The following CERT1 variants were observed in gnomAD, a reference collection of about 807,000 sequenced individuals.
The protein encoded by CERT1 is ceramide transporter 1.
Under a neutral mutation model 87.9 loss-of-function variants are expected in CERT1, and 31 were observed. The ratio of observed to expected loss-of-function variants is 0.35; its 90% CI spans 0.27 to 0.48. The LOEUF is 0.48. Ranked by LOEUF, CERT1 falls within the 20% of genes least tolerant of loss-of-function variation. The pLI is 0.99. For synonymous variants in CERT1, 289 were observed against 250.9 expected, an observed-to-expected ratio of 1.15 and a Z score of -1.44; for missense variants, 487 against 758.0, an observed-to-expected ratio of 0.64 and a Z score of 4.20.
intron 3 of CERT1, among the ~76,000 whole-genome samples, chr5:75,458,557 CT>C (rs1184107012): frequency 8.1e-4 from 119 of 146,078 alleles, no homozygotes; most frequent in Non-Finnish European, 6.7e-4. Flanking sequence ...AAATATTTAT[CT>C]TTTTTTTTTT....
At chr5:75,440,775 T>TA (rs11285492) in intron 3 of CERT1, among the ~76,000 whole-genome samples, 16 of 151,410 alleles carry the variant, frequency 1.1e-4, no homozygotes, top group East Asian at 5.8e-4. Flanking sequence ...CCATCCAAAG[T>TA]AAAAAAAAAT....
intron 2 of CERT1, among the ~76,000 whole-genome samples, chr5:75,467,380 G>A (rs1050164759): frequency 2.6e-5 from 4 of 152,104 alleles, no homozygotes; most frequent in African/African-American, 4.8e-5. Flanking sequence ...GGTAGCTCAC[G>A]CCTGTAATCC....
intron 2 of CERT1, among the ~76,000 whole-genome samples, chr5:75,480,727 TG>T (rs1473041563): frequency 6.6e-6 from 1 of 152,222 alleles, no homozygotes; most frequent in African/African-American, 2.4e-5. Flanking sequence ...TTTCTGTAAA[TG>T]GTAACAATAC....
chr5:75,438,010 G>T (rs1246791844), intron 3 of CERT1, among the ~76,000 whole-genome samples: 1 of 151,866 alleles, frequency 6.6e-6, no homozygotes, highest in Non-Finnish European at 1.5e-5. Context: ...GAAATTTCCT[G>T]AATGTTCCTA....
chr5:75,492,882 C>T (rs1198451042), intron 2 of CERT1, among the ~76,000 whole-genome samples: 3 of 152,098 alleles, frequency 2.0e-5, no homozygotes, highest in Non-Finnish European at 4.4e-5. Context: ...AACTTTAGGA[C>T]GCATCAGAAT....
chr5:75,440,714 A>G (rs180900747), intron 3 of CERT1, among the ~76,000 whole-genome samples: 9 of 152,184 alleles, frequency 5.9e-5, no homozygotes, highest in Non-Finnish European at 1.0e-4. Flanking sequence ...TAAAAAGCTG[A>G]GTGTTACAAG....
intron 17 of CERT1, chr5:75,370,342 C>T (rs1761036064): frequency 6.6e-6 from 1 of 152,128 alleles, no homozygotes; most frequent in African/African-American, 2.4e-5. Flanking sequence ...GCATAAATTA[C>T]CTGAGTGCAA....
chr5:75,400,345 T>G (rs1409458815), intron 9 of CERT1, 48 bp from the exon 10 acceptor site: 2 of 1,346,758 alleles, frequency 1.5e-6, no homozygotes, highest in Non-Finnish European at 2.1e-6. Flanking sequence ...AAGTGTATTT[T>G]GTAACTCAAG....
intron 10 of CERT1, 149 bp downstream of exon 10, chr5:75,400,056 C>A: frequency 3.5e-6 from 2 of 573,846 alleles, no homozygotes; most frequent in Non-Finnish European, 6.2e-6. Flanking sequence ...CTCTTGAACC[C>A]GGGAGGTGGA....
At position 75,511,116 on chromosome 5, in the gene CERT1, C is replaced by T. The variant is rs1767961630; in HGVS notation, c.92G>A (p.Ser31Asn). 1 of 1,582,268 alleles carries T rather than the reference C, an allele frequency of 6.3e-7. No homozygotes were observed. The highest frequency in any genetic ancestry group is 8.6e-7 in the Non-Finnish European group (1 of 1,164,586). Reference protein sequence around the residue: ...GPPVERCGVLSKWTNYIHGWQ... With the variant: ...GPPVERCGVLNKWTNYIHGWQ... The stretch of plus-strand genomic sequence containing the variant: ...TTGGCACCAGGGGTTGCTCACCTTA[C>T]TGAGGACCCCGCAGCGCTCCACAGG... Residue 31 changes from serine to asparagine, a missense_variant, in exon 1 of 17, where the codon AGT (serine) becomes AAT (asparagine). By Grantham distance (46) the Ser-to-Asn change is conservative. Transcript: ENST00000643780.
chr5:75,448,157 ATT>A (rs1764633439), intron 3 of CERT1, among the ~76,000 whole-genome samples: 1 of 152,152 alleles, frequency 6.6e-6, no homozygotes, highest in Non-Finnish European at 1.5e-5. Flanking sequence ...ATTCAATTTC[ATT>A]TTTATGTAAA....
chr5:75,511,908 G>A (rs1450055814), upstream of CERT1: 1 of 1,327,552 alleles, frequency 7.5e-7, no homozygotes, highest in African/African-American at 1.5e-5. Flanking sequence ...CGATCCTGAG[G>A]TAACGGGTGA....
Position 75,381,985 on chromosome 5 carries a change from T to A in CERT1, c.1581A>T (p.Ile527=). 1 of 1,613,886 alleles carries A rather than the reference T, an allele frequency of 6.2e-7. No homozygotes were observed. The highest frequency in any genetic ancestry group is 8.5e-7 in the Non-Finnish European group (1 of 1,179,886). ...CATGATCCACAGAAAAATTACAAAC[T>A]ATCCAAGTTTCAGGGTCATTTTCAG... ...ALTENDPETW[I]VCNFSVDHDS... The change falls in exon 15 of 17, where the codon ATA becomes ATT. Residue 527 remains isoleucine (I), a synonymous_variant. Coordinates refer to ENST00000643780, the MANE Select transcript of CERT1 (RefSeq NM_001379029.1).
At chr5:75,449,169 C>T (rs1362604446) in intron 3 of CERT1, among the ~76,000 whole-genome samples, 1 of 151,948 alleles carries the variant, frequency 6.6e-6, no homozygotes, top group Non-Finnish European at 1.5e-5. Context: ...TACTTTGGGA[C>T]ATACTAAGAG....
chr5:75,391,417 CTATAA>C (rs760000699), intron 11 of CERT1, among the ~76,000 whole-genome samples: 4 of 152,142 alleles, frequency 2.6e-5, no homozygotes, highest in Non-Finnish European at 4.4e-5. Context: ...TGCTGAGATT[CTATAA>C]TCTACTTTTG....
intron 2 of CERT1, among the ~76,000 whole-genome samples, chr5:75,483,269 A>C (rs1473214101): frequency 6.6e-6 from 1 of 152,256 alleles, no homozygotes. Context: ...GTCTCTCAAC[A>C]GCATAATTAA....
chr5:75,446,882 G>T (rs542131651), intron 3 of CERT1, among the ~76,000 whole-genome samples: 1 of 152,170 alleles, frequency 6.6e-6, no homozygotes, highest in African/African-American at 2.4e-5. Context: ...GGAGAAAGAG[G>T]GCATTGGCCC....
intron 2 of CERT1, among the ~76,000 whole-genome samples, chr5:75,465,468 C>T (rs1480283330): frequency 6.6e-6 from 1 of 152,168 alleles, no homozygotes; most frequent in Non-Finnish European, 1.5e-5. Context: ...CTATTAGGTA[C>T]AAACAAGATG....
At chr5:75,430,740 A>C (rs756767355) in intron 3 of CERT1, among the ~76,000 whole-genome samples, 19 of 152,202 alleles carry the variant, frequency 1.2e-4, no homozygotes, top group Non-Finnish European at 1.6e-4. Flanking sequence ...AGTTCACAAA[A>C]AAAAAAAGAG....
Sources: allele counts gnomAD v4.1 joint callset (sites outside exome capture counted in the v4.1 genomes callset), GRCh38; gene constraint gnomAD v4.1.1; transcripts MANE v1.5; gene names NCBI Gene and HGNC (gene_info 2026-07-23, HGNC 2026-07-21).